BRD3: variants seen among roughly 807,000 people sequenced by gnomAD.
BRD3 encodes the protein bromodomain containing 3.
A neutral mutation model predicts 66.8 loss-of-function variants in BRD3; 17 were observed. The observed-to-expected ratio is 0.25, with a 90% confidence interval of 0.17 to 0.38. The LOEUF (loss-of-function observed/expected upper bound fraction) is 0.38, where lower values mean the gene tolerates loss of function less well. Ranked by LOEUF, BRD3 falls within the 10% of genes least tolerant of loss-of-function variation. The probability of loss-of-function intolerance (pLI) is 1.00; values close to 1 mark genes in which losing one functional copy is unlikely to be tolerated. For synonymous variants in BRD3, 421 were observed against 393.2 expected, an observed-to-expected ratio of 1.07 and a Z score of -0.84; for missense variants, 713 against 956.1, an observed-to-expected ratio of 0.75 and a Z score of 3.35.
chr9:134,066,511 A>G (rs571958536), intron 1 of BRD3, among the ~76,000 whole-genome samples: 1 of 152,110 alleles, frequency 6.6e-6, no homozygotes, highest in African/African-American at 2.4e-5. Context: ...AAAATGCCAT[A>G]CAACTTTGCA....
In BRD3 at chr9:134,048,371, C is replaced by A. The variant is rs200249343; in HGVS notation, c.798G>T (p.Pro266=). ...ITASRSESPP[P]LSDPKQAKVV... ...CTTTGGCCTGCTTGGGGTCTGACAACGGCGGGGGCGACTCACTCCGGCTGG... is the reference window on the plus strand; with the variant it reads ...CTTTGGCCTGCTTGGGGTCTGACAAAGGCGGGGGCGACTCACTCCGGCTGG... Residue 266 remains proline, a synonymous_variant, in exon 6 of 12, where the codon CCG becomes CCT. Coordinates refer to ENST00000303407, the MANE Select transcript of BRD3 (RefSeq NM_007371.4). 6.3e-7 allele frequency: 1 copy of A among 1,598,430 alleles called. No homozygotes were observed. Among genetic ancestry groups the A allele is most frequent in the South Asian group, 1.1e-5 (1 of 91,072 alleles).
chr9:134,065,896 C>G (rs181009090), intron 1 of BRD3, among the ~76,000 whole-genome samples: 1 of 152,230 alleles, frequency 6.6e-6, no homozygotes, highest in Non-Finnish European at 1.5e-5. Flanking sequence ...CCGGCTGCAG[C>G]AGGCCTGGCT....
intron 1 of BRD3, among the ~76,000 whole-genome samples, chr9:134,063,111 G>A (rs563460086): frequency 6.6e-5 from 10 of 152,324 alleles, no homozygotes; most frequent in African/African-American, 2.2e-4. Flanking sequence ...AGGACAAGGG[G>A]CCAGCAGGGC....
chr9:134,039,952 C>A, intron 9 of BRD3, 82 bp downstream of exon 9: 1 of 1,502,496 alleles, frequency 6.7e-7, no homozygotes, highest in Non-Finnish European at 8.8e-7. Flanking sequence ...ACAAAGCCCC[C>A]AATCCCAGCA....
In BRD3 at chr9:134,034,684, G is replaced by A; in HGVS notation, c.2065+17C>T. The A allele has an allele frequency of 6.2e-7, 1 of 1,601,552 alleles. No homozygotes were observed. Among genetic ancestry groups the A allele is most frequent in the Non-Finnish European group, 8.5e-7 (1 of 1,179,754 alleles). On this transcript the variant is annotated intron_variant, in intron 11 of 11. Coordinates refer to ENST00000303407, the MANE Select transcript of BRD3 (RefSeq NM_007371.4). ...CACCCCCCTAAAGAGGGGTGGCACA[G>A]CGGCCGCCAGCGGTACCTTTCCGGG...
chr9:134,050,712 A>AGGGCACGCTCT, intron 4 of BRD3, 124 bp from the exon 5 acceptor site: 1 of 757,846 alleles, frequency 1.3e-6, no homozygotes. Flanking sequence ...GCCGGCCAGA[A>AGGGCACGCTCT]GAACCCTCCA....
At position 134,047,931 on chromosome 9, in the gene BRD3, C is replaced by A. The variant is rs946905515; in HGVS notation, c.1086+152G>T. On this transcript the variant is annotated intron_variant, in intron 6 of 11. Coordinates refer to ENST00000303407, the MANE Select transcript of BRD3 (RefSeq NM_007371.4). ...CCTCGCTGAGCCTTGCCAGCCACAG[C>A]CGGCGCTGCGGGGGCCAGCCTGGAG... 1.0e-5 allele frequency: 11 copies of A among 1,105,394 alleles called. No homozygotes were observed. The African/African-American group carries it at 1.8e-4, about 18-fold the overall frequency. The allele number at this position is 1,105,394 out of a possible 1,614,324, so 68.5% of individuals were successfully genotyped here.
intron 7 of BRD3, among the ~76,000 whole-genome samples, chr9:134,042,764 T>TAC (rs1043427352): frequency 5.0e-5 from 7 of 141,070 alleles, no homozygotes; most frequent in Admixed American, 7.6e-5. Flanking sequence ...TACACATATA[T>TAC]ACACACACAC....
chr9:134,055,394 G>A (rs1830397630), intron 1 of BRD3, among the ~76,000 whole-genome samples: 1 of 152,064 alleles, frequency 6.6e-6, no homozygotes, highest in Non-Finnish European at 1.5e-5. Context: ...TGTGACTTGC[G>A]GCCCTCCCTC....
At chr9:134,049,476 G>A (rs1830246006) in intron 5 of BRD3, among the ~76,000 whole-genome samples, 1 of 152,230 alleles carries the variant, frequency 6.6e-6, no homozygotes, top group African/African-American at 2.4e-5. Flanking sequence ...ACAAACACTT[G>A]GCAGGCACCC....
At chr9:134,064,316 TC>T (rs1830601780) in intron 1 of BRD3, among the ~76,000 whole-genome samples, 1 of 151,042 alleles carries the variant, frequency 6.6e-6, no homozygotes, top group South Asian at 2.1e-4. Flanking sequence ...TCACCTGAGG[TC>T]AGGAGTTCAA....
At chr9:134,060,661 G>A (rs544531282) in intron 1 of BRD3, among the ~76,000 whole-genome samples, 2 of 152,062 alleles carry the variant, frequency 1.3e-5, no homozygotes, top group South Asian at 4.1e-4. Flanking sequence ...TAGCCAGCGG[G>A]GAGAGGGCAG....
intron 5 of BRD3, among the ~76,000 whole-genome samples, chr9:134,049,825 G>C (rs553667943): frequency 1.3e-4 from 20 of 152,336 alleles, no homozygotes; most frequent in Middle Eastern, 6.8e-3. Context: ...CAAAGCAGGA[G>C]ACTCACCAGG....
At chr9:134,048,506 G>GC (rs1467531167) in intron 5 of BRD3, 52 bp from the exon 6 acceptor site, 1 of 1,592,680 alleles carries the variant, frequency 6.3e-7, no homozygotes, top group African/African-American at 1.3e-5. Context: ...CCCCGAAGAC[G>GC]CATGTCGCTG....
chr9:134,051,787 A>C, intron 3 of BRD3, 78 bp from the exon 4 acceptor site: 3 of 1,479,848 alleles, frequency 2.0e-6, no homozygotes, highest in Non-Finnish European at 2.7e-6. Context: ...GTTGTAGCTC[A>C]AAAAAATATT....
Position 134,030,979 on chromosome 9 carries a change from G to A in BRD3, c.*2611C>T. 4.3e-6 allele frequency: 1 copy of A among 231,078 alleles called. No individual in the cohort carries two copies. Among genetic ancestry groups the A allele is most frequent in the Non-Finnish European group, 8.6e-6 (1 of 116,620 alleles). 14.3% of individuals were successfully genotyped at this position (231,078 alleles called of 1,614,324 possible). On this transcript the variant is annotated 3_prime_UTR_variant, in exon 12 of 12. Transcript: ENST00000303407. Reference sequence around the variant, plus strand: ...TGAATCACCGCAGCCTTCTAATACAGAAGAAACGGACGTGACTGTCACCCT... The same window carrying A: ...TGAATCACCGCAGCCTTCTAATACAAAAGAAACGGACGTGACTGTCACCCT...
intron 2 of BRD3, 104 bp from the exon 3 acceptor site, chr9:134,052,547 G>A: frequency 7.4e-7 from 1 of 1,348,686 alleles, no homozygotes. Flanking sequence ...CTGAGGACTG[G>A]GGCTGGCCCA....
rs777627678 is a variant in BRD3, at chr9:134,051,719, CAG to C, written c.352-12_352-11del. The C allele has an allele frequency of 4.0e-5, 63 of 1,590,124 alleles. No homozygotes were observed. Among genetic ancestry groups the C allele is most frequent in the Non-Finnish European group, 4.9e-5 (57 of 1,172,832 alleles). ...CTATGTCATCTGTGGGCTGAAGACA[CAG>C]AGAGTCCAGGTCACGTGTCAGGAAA... On this transcript the variant is annotated splice_polypyrimidine_tract_variant and intron_variant, in intron 3 of 11. Coordinates refer to ENST00000303407, the MANE Select transcript of BRD3 (RefSeq NM_007371.4).
intron 1 of BRD3, among the ~76,000 whole-genome samples, chr9:134,063,820 C>G (rs965923120): frequency 1.3e-5 from 2 of 152,238 alleles, no homozygotes; most frequent in African/African-American, 4.8e-5. Context: ...AGCTGGTTAT[C>G]AAGCCACACT....
Sources: gnomAD v4.1 joint callset for allele counts (sites outside exome capture counted in the v4.1 genomes callset) on GRCh38, gnomAD v4.1.1 for gene constraint, MANE v1.5 for transcripts, NCBI Gene and HGNC (gene_info 2026-07-23, HGNC 2026-07-21) for gene names.